The following DAB1 variants were observed in gnomAD, a reference collection of about 807,000 sequenced individuals.
DAB1 encodes DAB adaptor protein 1, also known as disabled homolog 1.
DAB1 carries 15 observed loss-of-function variants against 64.6 expected under a neutral mutation model. The ratio of observed to expected loss-of-function variants is 0.23; its 90% CI spans 0.16 to 0.36. The LOEUF (loss-of-function observed/expected upper bound fraction) is 0.36. Among genes scored for constraint, DAB1 ranks in the 10% least tolerant of loss-of-function variants. DAB1 has a pLI of 1.00. For synonymous variants in DAB1, 235 were observed against 251.9 expected (o/e 0.93, Z 0.64); for missense variants, 596 against 706.7 (o/e 0.84, Z 1.78).
intron 7 of DAB1, among the ~76,000 whole-genome samples, chr1:57,550,651 T>A (rs1401258945): frequency 6.6e-6 from 1 of 152,166 alleles, no homozygotes; most frequent in Non-Finnish European, 1.5e-5. Flanking sequence ...ATCTTCTTTT[T>A]TGGTTTTAGC....
chr1:57,934,063 TTGTGTGTGTGTG>T (rs55848780), intron 5 of DAB1, among the ~76,000 whole-genome samples: 26 of 128,100 alleles, frequency 2.0e-4, no homozygotes, highest in Admixed American at 8.8e-4. Context: ...GCCCAGCTAA[TTGTGTGTGTGTG>T]TGTGTGTGTG....
chr1:58,492,787 C>CA (rs1031579117), intron 3 of DAB1, among the ~76,000 whole-genome samples: 6 of 152,036 alleles, frequency 3.9e-5, no homozygotes, highest in African/African-American at 1.4e-4. Flanking sequence ...GCTTACCAAC[C>CA]AAAAAAAGTC....
chr1:58,063,706 C>G (rs1028233055), intron 5 of DAB1, among the ~76,000 whole-genome samples: 2 of 152,196 alleles, frequency 1.3e-5, no homozygotes, highest in Non-Finnish European at 2.9e-5. Context: ...TGTGCTTTCC[C>G]TGCATTATCT....
At chr1:57,838,397 TC>T (rs1404166778) in intron 1 of DAB1, among the ~76,000 whole-genome samples, 1 of 152,184 alleles carries the variant, frequency 6.6e-6, no homozygotes, top group Non-Finnish European at 1.5e-5. Context: ...CTAATTTTCA[TC>T]TTGAGTTTTA....
chr1:57,217,952 C>G (rs1666549940), intron 2 of DAB1, among the ~76,000 whole-genome samples: 1 of 152,066 alleles, frequency 6.6e-6, no homozygotes, highest in Non-Finnish European at 1.5e-5. Flanking sequence ...GTGTCAGATA[C>G]TACTAGGTCC....
At chr1:57,092,145 T>C (rs1653740566) in intron 4 of DAB1, among the ~76,000 whole-genome samples, 1 of 152,194 alleles carries the variant, frequency 6.6e-6, no homozygotes, top group South Asian at 2.1e-4. Flanking sequence ...ACCTACCCCT[T>C]AGGGGGACAT....
intron 2 of DAB1, among the ~76,000 whole-genome samples, chr1:57,280,779 A>G (rs954621474): frequency 5.3e-5 from 8 of 152,176 alleles, no homozygotes; most frequent in African/African-American, 1.9e-4. Flanking sequence ...ATGCCACATA[A>G]TAAGAATCTC....
intron 2 of DAB1, among the ~76,000 whole-genome samples, chr1:57,197,532 A>T (rs1387358328): frequency 1.3e-5 from 2 of 152,222 alleles, no homozygotes; most frequent in Non-Finnish European, 2.9e-5. Flanking sequence ...AGGTACAATT[A>T]TTCTCATCTT....
intron 6 of DAB1, among the ~76,000 whole-genome samples, chr1:57,687,615 A>AAG (rs1553209055): frequency 2.0e-5 from 3 of 149,182 alleles, no homozygotes; most frequent in African/African-American, 7.4e-5. Context: ...AAAAAAAAAA[A>AAG]AAAAGAAAAA....
chr1:58,423,812 C>T (rs1644795458), intron 3 of DAB1, among the ~76,000 whole-genome samples: 1 of 152,208 alleles, frequency 6.6e-6, no homozygotes, highest in South Asian at 2.1e-4. Context: ...TGTTGCTAAC[C>T]CCTGAGTGCA....
At chr1:58,268,818 A>T (rs1239979075) in intron 4 of DAB1, among the ~76,000 whole-genome samples, 1 of 152,214 alleles carries the variant, frequency 6.6e-6, no homozygotes, top group East Asian at 1.9e-4. Flanking sequence ...ACAATCTTAA[A>T]TAGGAACAAA....
At chr1:57,426,949 C>A (rs990814364), upstream of DAB1, among the ~76,000 whole-genome samples, 6 of 151,282 alleles carry the variant, frequency 4.0e-5, no homozygotes, top group Non-Finnish European at 5.9e-5. Context: ...CTGCAAGCTC[C>A]GCCTCCTGGG....
intron 7 of DAB1, among the ~76,000 whole-genome samples, chr1:57,585,248 GAAAAAAAAAAAAAAA>G (rs61528761): frequency 2.3e-5 from 1 of 44,266 alleles, no homozygotes; most frequent in African/African-American, 9.5e-5. Flanking sequence ...GACTCTTTCT[GAAAAAAAAAAAAAAA>G]AAAAAAAAAA....
intron 7 of DAB1, among the ~76,000 whole-genome samples, chr1:57,446,516 T>C (rs534445042): frequency 1.6e-4 from 24 of 150,690 alleles, no homozygotes; most frequent in Non-Finnish European, 2.9e-4. Flanking sequence ...GAGAATCGCT[T>C]GAACCTGGGA....
chr1:57,417,881 A>G (rs1684608735), intron 1 of DAB1, among the ~76,000 whole-genome samples: 2 of 152,168 alleles, frequency 1.3e-5, no homozygotes, highest in African/African-American at 4.8e-5. Flanking sequence ...ATGAAGTCCT[A>G]TCAGTCAGAA....
intron 4 of DAB1, among the ~76,000 whole-genome samples, chr1:58,248,570 A>G (rs183336993): frequency 6.6e-6 from 1 of 152,122 alleles, no homozygotes; most frequent in African/African-American, 2.4e-5. Flanking sequence ...ACTATCTAGC[A>G]TCAAACGTAC....
chr1:58,444,500 T>A (rs55963747), intron 3 of DAB1, among the ~76,000 whole-genome samples: 23,341 of 152,230 alleles, frequency 0.15, 2,270 homozygotes, highest in Non-Finnish European at 0.22. Flanking sequence ...GCAGAGACAG[T>A]TATGATCTGT....
chr1:58,412,493 G>A (rs923769434), intron 3 of DAB1, among the ~76,000 whole-genome samples: 7 of 152,282 alleles, frequency 4.6e-5, no homozygotes, highest in South Asian at 2.1e-4. Flanking sequence ...CTTCCATGAC[G>A]ATTGCAGCCA....
At chr1:57,791,733 AC>A (rs1557483375) in intron 6 of DAB1, among the ~76,000 whole-genome samples, 1 of 152,252 alleles carries the variant, frequency 6.6e-6, no homozygotes, top group East Asian at 1.9e-4. Flanking sequence ...TGTGCCTGAG[AC>A]CCGGGCTCCC....
Sources: allele counts gnomAD v4.1 joint callset (sites outside exome capture counted in the v4.1 genomes callset), GRCh38; gene constraint gnomAD v4.1.1; transcripts MANE v1.5; gene names NCBI Gene and HGNC (gene_info 2026-07-23, HGNC 2026-07-21).